Variants in ZNF333 observed in about 807,000 individuals in gnomAD.
The protein encoded by ZNF333 is zinc finger protein 333.
ZNF333 carries 61 observed loss-of-function variants against 76.1 expected under a neutral mutation model. The observed-to-expected ratio is 0.80, with a 90% CI of 0.65 to 0.99. The LOEUF (loss-of-function observed/expected upper bound fraction) is 0.99, where lower values mean the gene tolerates loss of function less well. ZNF333 is among the 50% of genes least tolerant of loss of function. ZNF333 has a pLI of 0.00. For missense variants in ZNF333, 717 were observed against 822.4 expected, an observed-to-expected ratio of 0.87 and a Z score of 1.57; for synonymous variants, 284 against 305.0, an observed-to-expected ratio of 0.93 and a Z score of 0.72.
intron 11 of ZNF333, among the ~76,000 whole-genome samples, chr19:14,730,404 C>G (rs1485271695): frequency 6.6e-6 from 1 of 151,762 alleles, no homozygotes; most frequent in African/African-American, 2.4e-5. Context: ...AGCCCCTTCT[C>G]TCTTATCCCA....
In ZNF333 at chr19:14,715,436, C is replaced by G; in HGVS notation, c.566C>G (p.Ala189Gly). The part of the protein sequence containing the change: ...WLQEDKVEEE[A>G]MAPGLPTACS... ...CAGGAGGACAAAGTGGAGGAAGAAG[C>G]TATGGCTCCTGGGCTGCCAACCGCC... The change falls in exon 8 of 12, where the codon GCT (alanine) becomes GGT (glycine). Residue 189 changes from alanine to glycine, a missense_variant. By Grantham distance (60) the Ala-to-Gly change is moderately conservative (BLOSUM62 0). Coordinates refer to ENST00000292530, the MANE Select transcript of ZNF333 (RefSeq NM_032433.4). 6 of 1,614,062 alleles carry G rather than the reference C, an allele frequency of 3.7e-6. No individual in the cohort carries two copies. The highest frequency in any genetic ancestry group is 5.1e-6 in the Non-Finnish European group (6 of 1,179,964).
intron 1 of ZNF333, among the ~76,000 whole-genome samples, chr19:14,690,691 C>T (rs1027390374): frequency 7.9e-5 from 12 of 152,166 alleles, no homozygotes; most frequent in Non-Finnish European, 8.8e-5. Context: ...CGAGAGATTT[C>T]TTTTGGAGAC....
At chr19:14,696,038 G>A (rs909029265) in intron 4 of ZNF333, among the ~76,000 whole-genome samples, 1 of 152,100 alleles carries the variant, frequency 6.6e-6, no homozygotes, top group Admixed American at 6.6e-5. Flanking sequence ...GGATGTGATG[G>A]TGCACACCTG....
chr19:14,729,819 G>T lies in ZNF333; in HGVS notation c.901-1356G>T, dbSNP rs561958993. Among the ~76,000 whole-genome samples, 14 of 152,270 alleles carry T rather than the reference G, an allele frequency of 9.2e-5. No homozygotes were observed. In the South Asian group the frequency reaches 2.5e-3, roughly 27 times the overall value. Reference sequence around the variant, plus strand: ...TATGAGACGAGGCATACATTAATTTGCTAGATCTGGTTATTCCCCAATGTA... The same window carrying T: ...TATGAGACGAGGCATACATTAATTTTCTAGATCTGGTTATTCCCCAATGTA... On this transcript the variant is annotated intron_variant, in intron 11 of 11. Transcript: ENST00000540689.
chr19:14,714,286 A>G (rs2042361387), intron 7 of ZNF333, among the ~76,000 whole-genome samples: 1 of 152,138 alleles, frequency 6.6e-6, no homozygotes, highest in African/African-American at 2.4e-5. Flanking sequence ...GGAGGTCACA[A>G]GGTTGGGCCC....
At chr19:14,704,185 C>G (rs570892702) in intron 5 of ZNF333, among the ~76,000 whole-genome samples, 54 of 152,266 alleles carry the variant, frequency 3.5e-4, no homozygotes, top group African/African-American at 1.2e-3. Flanking sequence ...GTCTTTGTAT[C>G]TGCAGTGTGT....
chr19:14,726,547 AT>A (rs1446400344), downstream of ZNF333, among the ~76,000 whole-genome samples: 1 of 152,156 alleles, frequency 6.6e-6, no homozygotes, highest in Non-Finnish European at 1.5e-5. Context: ...TTCAACTTTA[AT>A]TCCTTTGCTC....
rs1247823774 is a variant in ZNF333, at chr19:14,712,623, A to G, written c.512-2759A>G. On this transcript the variant is annotated intron_variant, in intron 7 of 11. Coordinates refer to ENST00000292530, the MANE Select transcript of ZNF333 (RefSeq NM_032433.4). ...TGCTCCCTCTGATGGCTCGGGGGGG[A>G]GGATCCTGCCACCTGCTTTCTAACA... 6.6e-5 allele frequency among the ~76,000 whole-genome samples: 10 copies of G among 151,654 alleles called. No homozygotes were observed. In the South Asian group the frequency reaches 1.9e-3, roughly 29 times the overall value.
chr19:14,722,230 G>A (rs1247359927), downstream of ZNF333, among the ~76,000 whole-genome samples: 1 of 152,222 alleles, frequency 6.6e-6, no homozygotes, highest in East Asian at 1.9e-4. Context: ...CTATGTATAT[G>A]TCTTTTCCAT....
At chr19:14,691,040 C>T (rs575528056) in intron 1 of ZNF333, among the ~76,000 whole-genome samples, 1 of 152,318 alleles carries the variant, frequency 6.6e-6, no homozygotes, top group South Asian at 2.1e-4. Context: ...TTGCAGTGAG[C>T]TGAGATTGTG....
chr19:14,696,135 C>T (rs552306969), intron 4 of ZNF333, among the ~76,000 whole-genome samples: 30 of 152,300 alleles, frequency 2.0e-4, no homozygotes, highest in Admixed American at 7.8e-4. Flanking sequence ...TGCATCACTG[C>T]ACTCCAGCCT....
rs2042578908 is a variant in ZNF333, at chr19:14,721,280, C to CTTTTATTTTTTTT, written c.*1959_*1960insATTTTTTTTTTTT. ...GGACTAGTCTCCATTTTTACTTGTT[C>CTTTTATTTTTTTT]TTTTTTTTTTTTTTTTTTTTTTTTT... On this transcript the variant is annotated 3_prime_UTR_variant, in exon 12 of 12. Transcript: ENST00000292530. 1 of 87,862 alleles carries CTTTTATTTTTTTT rather than the reference C, an allele frequency of 1.1e-5. No individual in the cohort carries two copies. Among genetic ancestry groups the CTTTTATTTTTTTT allele is most frequent in the Non-Finnish European group, 2.1e-5 (1 of 47,640 alleles). 5.4% of individuals were successfully genotyped at this position (87,862 alleles called of 1,614,324 possible). A position where few individuals can be genotyped will look rare whatever the true frequency, so the allele number is the denominator to read the frequency against.
At chr19:14,731,155 C>T (rs1203222895) in intron 11 of ZNF333, 1 of 1,533,224 alleles carries the variant, frequency 6.5e-7, no homozygotes, top group East Asian at 2.4e-5. Context: ...CATTCTTCCT[C>T]CTTATAATTC....
Position 14,718,797 on chromosome 19 carries a change from C to T in ZNF333, c.1470C>T (p.His490=). 6.2e-7 allele frequency: 1 copy of T among 1,614,054 alleles called. No homozygotes were observed. ...AGTGTGGGAAAGCCTTCAGGGAACA[C>T]TCTTCACTGAAGACACATCTGCGAA... is the stretch of plus-strand genomic sequence containing the variant. ...CSQCGKAFRE[H]SSLKTHLRTH... is the part of the protein sequence containing the mutation. Residue 490 remains histidine (H), a synonymous_variant, in exon 12 of 12, where the codon CAC becomes CAT. Transcript: ENST00000292530.
chr19:14,693,745 C>A (rs377216507), intron 2 of ZNF333, among the ~76,000 whole-genome samples: 10 of 152,232 alleles, frequency 6.6e-5, no homozygotes, highest in African/African-American at 2.4e-4. Flanking sequence ...CCAGGGCCAT[C>A]CTTGTCATCC....
In ZNF333 at chr19:14,695,597, C is replaced by T. The variant is rs778859824; in HGVS notation, c.159C>T (p.Ser53=). ...GTPPCKPSCV[S]QLGQRAEPKA... ...CACCATGCAAACCCAGTTGTGTCTC[C>T]CAGCTGGGGCAAAGAGCAGAGCCAA... is the stretch of plus-strand genomic sequence containing the variant. The change falls in exon 4 of 12, where the codon TCC becomes TCT. Residue 53 remains serine (S), a synonymous_variant. Coordinates refer to ENST00000292530, the MANE Select transcript of ZNF333 (RefSeq NM_032433.4). 6.8e-6 allele frequency: 11 copies of T among 1,614,120 alleles called. No homozygotes were observed. In the South Asian group the frequency reaches 1.2e-4, roughly 18 times the overall value.
At chr19:14,705,259 G>C in intron 6 of ZNF333, 89 bp downstream of exon 6, 2 of 1,180,522 alleles carry the variant, frequency 1.7e-6, no homozygotes, top group Non-Finnish European at 2.4e-6. Flanking sequence ...GGGAGGGGAG[G>C]GAAAGGAGGG....
Position 14,718,723 on chromosome 19 carries a change from A to C in ZNF333, c.1396A>C (p.Arg466=). 6.2e-7 allele frequency: 1 copy of C among 1,614,112 alleles called. No homozygotes were observed. The highest frequency in any genetic ancestry group is 1.1e-5 in the South Asian group (1 of 91,076). Reference sequence around the variant, plus strand: ...AGCCTTCAATCAGCCATCATCCCTCAGGAGCCACGTGAGAACTCACACTGG... The same window carrying C: ...AGCCTTCAATCAGCCATCATCCCTCCGGAGCCACGTGAGAACTCACACTGG... ...GKAFNQPSSL[R]SHVRTHTGEK... Residue 466 remains arginine (R), a synonymous_variant, in exon 12 of 12, where the codon AGG becomes CGG. Coordinates refer to ENST00000292530, the MANE Select transcript of ZNF333 (RefSeq NM_032433.4).
chr19:14,726,397 C>T (rs60385634), downstream of ZNF333, among the ~76,000 whole-genome samples: 54,070 of 152,016 alleles, frequency 0.36, 10,165 homozygotes, highest in East Asian at 0.58. Context: ...CCCTTTTAGT[C>T]ACGTTAGTCT....
Sources: gnomAD v4.1 joint callset for allele counts (sites outside exome capture counted in the v4.1 genomes callset) on GRCh38, gnomAD v4.1.1 for gene constraint, MANE v1.5 for transcripts, NCBI Gene and HGNC (gene_info 2026-07-23, HGNC 2026-07-21) for gene names.